The following SPRED2 variants were observed in gnomAD, a reference collection of about 807,000 sequenced individuals.
SPRED2 encodes sprouty-related, EVH1 domain-containing protein 2.
A neutral mutation model predicts 43.0 loss-of-function variants in SPRED2; 47 were observed. The observed-to-expected ratio is 1.09, with a 90% CI of 0.87 to 1.40. The LOEUF (loss-of-function observed/expected upper bound fraction) is 1.40, where lower values mean the gene tolerates loss of function less well. SPRED2 is among the 40% of genes most tolerant of loss of function. The pLI is 0.00. For synonymous variants in SPRED2, 225 were observed against 225.7 expected (o/e 1.00, Z 0.03); for missense variants, 561 against 586.4 (o/e 0.96, Z 0.45).
At position 65,391,110 on chromosome 2, in the gene SPRED2, T is replaced by C. The variant is rs543637035; in HGVS notation, c.26+40852A>G. Among the ~76,000 whole-genome samples the C allele has an allele frequency of 2.0e-5, 3 of 147,844 alleles. No individual in the cohort carries two copies. The South Asian group carries it at 6.4e-4, about 32-fold the overall frequency. Reference sequence around the variant, plus strand: ...CTCAAAAAAAAAAAAAAAAATCTACTGCCTGACTACCACACAGGCCCCATG... The same window carrying C: ...CTCAAAAAAAAAAAAAAAAATCTACCGCCTGACTACCACACAGGCCCCATG... On this transcript the variant is annotated intron_variant, in intron 1 of 5. Coordinates refer to ENST00000356388, the MANE Select transcript of SPRED2 (RefSeq NM_181784.3).
intron 1 of SPRED2, among the ~76,000 whole-genome samples, chr2:65,365,608 A>C (rs550094187): frequency 6.6e-6 from 1 of 152,362 alleles, no homozygotes; most frequent in Admixed American, 6.5e-5. Flanking sequence ...GCTAAATCTT[A>C]GGCAAATTTG....
chr2:65,403,020 GAACT>G (rs1461603756), intron 1 of SPRED2, among the ~76,000 whole-genome samples: 1 of 152,162 alleles, frequency 6.6e-6, no homozygotes, highest in Non-Finnish European at 1.5e-5. Context: ...AGCCAACACT[GAACT>G]AATAACATTT....
At chr2:65,425,170 A>G (rs1198434410) in intron 1 of SPRED2, among the ~76,000 whole-genome samples, 1 of 152,252 alleles carries the variant, frequency 6.6e-6, no homozygotes, top group Non-Finnish European at 1.5e-5. Flanking sequence ...CTGATAATTA[A>G]GTTTTAAGCA....
chr2:65,327,915 G>T (rs1363948639), intron 4 of SPRED2, among the ~76,000 whole-genome samples: 2 of 151,326 alleles, frequency 1.3e-5, no homozygotes, highest in Admixed American at 6.6e-5. Flanking sequence ...GTAGAGATGG[G>T]GTTTCACCAT....
At chr2:65,316,974 C>CTATT (rs1673259849) in intron 4 of SPRED2, 91 bp from the exon 5 acceptor site, 1 of 1,362,860 alleles carries the variant, frequency 7.3e-7, no homozygotes, top group Non-Finnish European at 1.0e-6. Flanking sequence ...CAAATACTAG[C>CTATT]TATTCCCTGG....
intron 3 of SPRED2, among the ~76,000 whole-genome samples, chr2:65,333,392 A>G (rs1043991391): frequency 2.6e-5 from 4 of 152,178 alleles, no homozygotes; most frequent in African/African-American, 9.6e-5. Context: ...ACAGTCCCAT[A>G]GTATGTTCTG....
chr2:65,430,102 C>T (rs1455010252), intron 1 of SPRED2, among the ~76,000 whole-genome samples: 1 of 152,220 alleles, frequency 6.6e-6, no homozygotes, highest in East Asian at 1.9e-4. Context: ...TACTGCTACT[C>T]TGTGTGCAGG....
rs143496080 is a variant in SPRED2, at chr2:65,364,622, G to A, written c.27-19726C>T. On this transcript the variant is annotated intron_variant, in intron 1 of 5. Coordinates refer to ENST00000356388, the MANE Select transcript of SPRED2 (RefSeq NM_181784.3). ...GTAACCAAAGCTAACAGAATATGGT[G>A]CTCTGGAAAGAATGTGGACAGGACC... Among the ~76,000 whole-genome samples the A allele has an allele frequency of 1.4e-3, 220 of 152,330 alleles. 2 individuals are homozygous for A. Among genetic ancestry groups the A allele is most frequent in the African/African-American group, 4.9e-3 (204 of 41,570 alleles).
chr2:65,321,530 A>G (rs1029249747), intron 4 of SPRED2, among the ~76,000 whole-genome samples: 6 of 97,432 alleles, frequency 6.2e-5, no homozygotes, highest in African/African-American at 1.6e-4. Context: ...AAAAAAAAAA[A>G]GATGTCCAAT....
chr2:65,324,498 T>G (rs183921546), intron 4 of SPRED2, among the ~76,000 whole-genome samples: 1 of 152,310 alleles, frequency 6.6e-6, no homozygotes, highest in East Asian at 1.9e-4. Flanking sequence ...AGGTTAAACC[T>G]GAGCCAGCTC....
In SPRED2 at chr2:65,312,080, AC is replaced by A; in HGVS notation, c.*1420del. 3 of 985,426 alleles carry A rather than the reference AC, an allele frequency of 3.0e-6. No homozygotes were observed. Among genetic ancestry groups the A allele is most frequent in the Non-Finnish European group, 3.6e-6 (3 of 829,930 alleles). 61.0% of individuals were successfully genotyped at this position (985,426 alleles called of 1,614,324 possible). Reference sequence around the variant, plus strand: ...TGCTAGGTATAGGTAACCACTCTTCACTTTTCTTCTTTCTTCAATAAGAAGA... The same window carrying A: ...TGCTAGGTATAGGTAACCACTCTTCATTTTCTTCTTTCTTCAATAAGAAGA... On this transcript the variant is annotated 3_prime_UTR_variant, in exon 6 of 6. Coordinates refer to ENST00000356388, the MANE Select transcript of SPRED2 (RefSeq NM_181784.3).
intron 1 of SPRED2, among the ~76,000 whole-genome samples, chr2:65,411,611 A>G (rs938014103): frequency 6.6e-6 from 1 of 152,202 alleles, no homozygotes; most frequent in Non-Finnish European, 1.5e-5. Flanking sequence ...ATTGGCTTCT[A>G]TCTTAGTGTT....
At chr2:65,388,960 G>A (rs1167858759) in intron 1 of SPRED2, among the ~76,000 whole-genome samples, 1 of 152,318 alleles carries the variant, frequency 6.6e-6, no homozygotes, top group South Asian at 2.1e-4. Context: ...AAGCTGGCGA[G>A]TCACTGGGAT....
In SPRED2 at chr2:65,344,776, G is replaced by GC; in HGVS notation, c.146_147insG (p.Glu50ArgfsTer13). On this transcript the variant is annotated frameshift_variant, in exon 2 of 6. Coordinates refer to ENST00000356388, the MANE Select transcript of SPRED2 (RefSeq NM_181784.3). LOFTEE classifies it high-confidence loss of function. ...GAAAGCCGCTTCGTCCATTGCCTTC[G>GC]GGGTGCATGACCTTACAGACCCCGA... The GC allele has an allele frequency of 6.2e-7, 1 of 1,614,014 alleles. No individual in the cohort carries two copies. The highest frequency in any genetic ancestry group is 8.5e-7 in the Non-Finnish European group (1 of 1,179,992).
intron 1 of SPRED2, among the ~76,000 whole-genome samples, chr2:65,415,930 G>C (rs1041030342): frequency 1.3e-5 from 2 of 152,150 alleles, no homozygotes; most frequent in Non-Finnish European, 2.9e-5. Flanking sequence ...TCACTAATAC[G>C]AATGTGTGTC....
At chr2:65,341,104 C>CGT (rs60332643) in intron 2 of SPRED2, among the ~76,000 whole-genome samples, 3,471 of 137,110 alleles carry the variant, frequency 0.025, 124 homozygotes, top group African/African-American at 0.071. Flanking sequence ...TGGGTACGGG[C>CGT]GTGTGTGTGT....
At chr2:65,392,961 T>TA (rs1675672441) in intron 1 of SPRED2, among the ~76,000 whole-genome samples, 1 of 152,158 alleles carries the variant, frequency 6.6e-6, no homozygotes, top group African/African-American at 2.4e-5. Flanking sequence ...CTAGAGATTC[T>TA]ACCTGCTACT....
intron 2 of SPRED2, among the ~76,000 whole-genome samples, chr2:65,342,774 C>G (rs1449696093): frequency 6.6e-6 from 1 of 152,122 alleles, no homozygotes. Context: ...TCATGATAGT[C>G]TTGAAAGAGA....
chr2:65,329,915 A>G (rs72894568), intron 4 of SPRED2, among the ~76,000 whole-genome samples: 10,741 of 152,190 alleles, frequency 0.071, 774 homozygotes, highest in African/African-American at 0.18. Flanking sequence ...CCCCCTCTGC[A>G]CACTCAGTTC....
Sources: allele counts gnomAD v4.1 joint callset (sites outside exome capture counted in the v4.1 genomes callset), GRCh38; gene constraint gnomAD v4.1.1; transcripts MANE v1.5; gene names NCBI Gene and HGNC (gene_info 2026-07-23, HGNC 2026-07-21).